LRBA: variants seen among roughly 807,000 people sequenced by gnomAD.
The protein encoded by LRBA is LPS responsive beige-like anchor protein.
A neutral mutation model predicts 330.0 loss-of-function variants in LRBA; 176 were observed. That is an observed-to-expected ratio of 0.53 (90% CI 0.47 to 0.60). The LOEUF is 0.60. Among genes scored for constraint, LRBA ranks in the 20% least tolerant of loss-of-function variants. The pLI is 0.00. For missense variants in LRBA, 3,259 were observed against 3,444.8 expected (o/e 0.95, Z 1.35); for synonymous variants, 1,230 against 1,193.0 (o/e 1.03, Z -0.64).
chr4:150,369,526 T>C (rs942499769), intron 47 of LRBA, among the ~76,000 whole-genome samples: 5 of 152,094 alleles, frequency 3.3e-5, no homozygotes, highest in South Asian at 2.1e-4. Context: ...TACAAACATA[T>C]GATGCCTAAA....
At position 150,828,423 on chromosome 4, in the gene LRBA, G is replaced by A; in HGVS notation, c.4928C>T (p.Thr1643Ile). 1 of 1,614,154 alleles carries A rather than the reference G, an allele frequency of 6.2e-7. No homozygotes were observed. Among genetic ancestry groups the A allele is most frequent in the Non-Finnish European group, 8.5e-7 (1 of 1,180,006 alleles). Reference protein sequence around the residue: ...GPDAISEVLSTLSLEVNKSPE... With the variant: ...GPDAISEVLSILSLEVNKSPE... ...AGACTTATTGACTTCTAAAGAAAGA[G>A]TAGATAGCACCTCGCTGATTGCATC... The change falls in exon 30 of 57, where the codon ACT (threonine) becomes ATT (isoleucine). Residue 1643 changes from threonine to isoleucine, a missense_variant. By Grantham distance (89) the Thr-to-Ile change is moderately conservative. Coordinates refer to ENST00000651943, the MANE Select transcript of LRBA (RefSeq NM_001364905.1).
At chr4:150,627,349 T>A (rs937714802) in intron 37 of LRBA, among the ~76,000 whole-genome samples, 1 of 152,046 alleles carries the variant, frequency 6.6e-6, no homozygotes, top group Admixed American at 6.5e-5. Flanking sequence ...GACAAAAAAA[T>A]TCTACAATAA....
intron 37 of LRBA, among the ~76,000 whole-genome samples, chr4:150,669,527 C>T (rs1321100890): frequency 6.6e-6 from 1 of 151,958 alleles, no homozygotes; most frequent in East Asian, 1.9e-4. Flanking sequence ...AGACTACTGA[C>T]CATTTGTTTT....
intron 2 of LRBA, among the ~76,000 whole-genome samples, chr4:151,000,026 A>G (rs1475297601): frequency 6.6e-6 from 1 of 152,236 alleles, no homozygotes; most frequent in Non-Finnish European, 1.5e-5. Flanking sequence ...TTTATAAATT[A>G]GGCACAGTAA....
At chr4:150,645,184 C>T (rs1330708133) in intron 37 of LRBA, among the ~76,000 whole-genome samples, 4 of 145,880 alleles carry the variant, frequency 2.7e-5, no homozygotes, top group African/African-American at 5.0e-5. Flanking sequence ...TATGATTTTC[C>T]GCTAAGGGCA....
At chr4:150,991,043 ACT>A (rs1176857350) in intron 2 of LRBA, among the ~76,000 whole-genome samples, 1 of 145,030 alleles carries the variant, frequency 6.9e-6, no homozygotes, top group Non-Finnish European at 1.5e-5. Context: ...ACAAAGTGAG[ACT>A]CTGTCTCCAA....
intron 37 of LRBA, among the ~76,000 whole-genome samples, chr4:150,624,417 T>C (rs1259885172): frequency 2.0e-5 from 3 of 152,022 alleles, no homozygotes; most frequent in Non-Finnish European, 2.9e-5. Flanking sequence ...CAAACACTAT[T>C]CCCTTTTCAC....
intron 29 of LRBA, among the ~76,000 whole-genome samples, chr4:150,830,396 A>G (rs1485573551): frequency 6.6e-6 from 1 of 152,190 alleles, no homozygotes; most frequent in East Asian, 1.9e-4. Context: ...CTCCAAACTA[A>G]TGAAGGAAAC....
intron 37 of LRBA, among the ~76,000 whole-genome samples, chr4:150,663,046 C>T (rs981088131): frequency 3.3e-5 from 5 of 152,070 alleles, no homozygotes; most frequent in African/African-American, 1.2e-4. Flanking sequence ...CCCTCACAAA[C>T]TTTACAAACT....
chr4:150,548,050 A>G (rs1463879429), intron 40 of LRBA, among the ~76,000 whole-genome samples: 1 of 152,182 alleles, frequency 6.6e-6, no homozygotes, highest in African/African-American at 2.4e-5. Flanking sequence ...TAAGGAGAAA[A>G]GCAAAAGAAT....
intron 2 of LRBA, among the ~76,000 whole-genome samples, chr4:150,999,625 T>G (rs1012057258): frequency 1.3e-5 from 2 of 151,078 alleles, no homozygotes; most frequent in Non-Finnish European, 2.9e-5. Context: ...TCTAAGATAG[T>G]AAAATTCTGC....
At chr4:150,762,546 G>T (rs1366506280) in intron 34 of LRBA, among the ~76,000 whole-genome samples, 1 of 151,540 alleles carries the variant, frequency 6.6e-6, no homozygotes, top group Non-Finnish European at 1.5e-5. Flanking sequence ...TATATAATAA[G>T]CATTAATACA....
At chr4:150,766,884 A>C (rs1278646215) in intron 34 of LRBA, among the ~76,000 whole-genome samples, 1 of 152,160 alleles carries the variant, frequency 6.6e-6, no homozygotes, top group Non-Finnish European at 1.5e-5. Context: ...CAATAATTTC[A>C]TACCTGTTCC....
chr4:150,901,217 T>C (rs1210129999), intron 13 of LRBA, among the ~76,000 whole-genome samples: 1 of 152,098 alleles, frequency 6.6e-6, no homozygotes, highest in Non-Finnish European at 1.5e-5. Context: ...GAGAATCGCT[T>C]GAACCCAGGA....
At chr4:150,860,762 A>G (rs1349451838) in intron 22 of LRBA, among the ~76,000 whole-genome samples, 1 of 152,066 alleles carries the variant, frequency 6.6e-6, no homozygotes, top group Non-Finnish European at 1.5e-5. Flanking sequence ...CAGGAGGCAG[A>G]GCTTGCAGTG....
chr4:150,563,898 T>C (rs1444104588), intron 40 of LRBA, among the ~76,000 whole-genome samples: 2 of 152,166 alleles, frequency 1.3e-5, no homozygotes, highest in Non-Finnish European at 2.9e-5. Context: ...CACAAACAAA[T>C]GGAAGAACAT....
intron 2 of LRBA, among the ~76,000 whole-genome samples, chr4:150,963,718 G>A (rs913909360): frequency 2.0e-5 from 3 of 148,400 alleles, no homozygotes; most frequent in African/African-American, 7.9e-5. Flanking sequence ...CTTCCCGGCC[G>A]CCACCCCGTC....
chr4:150,669,668 C>T (rs1299066609), intron 37 of LRBA, among the ~76,000 whole-genome samples: 2 of 151,774 alleles, frequency 1.3e-5, no homozygotes, highest in African/African-American at 2.4e-5. Flanking sequence ...TGGGTTCAAG[C>T]GATTCTCCTG....
At position 150,653,862 on chromosome 4, in the gene LRBA, G is replaced by A. The variant is rs554778246; in HGVS notation, c.5921+29689C>T. 3.2e-3 allele frequency among the ~76,000 whole-genome samples: 486 copies of A among 152,076 alleles called. 1 individual carries two copies. Among genetic ancestry groups the A allele is most frequent in the Non-Finnish European group, 5.0e-3 (338 of 67,984 alleles). On this transcript the variant is annotated intron_variant, in intron 37 of 56. Transcript: ENST00000651943. Reference sequence around the variant, plus strand: ...TCAGCATGTATCAGGAATTCATTCCGTATTTTTTCATAAATACATTGAAAG... The same window carrying A: ...TCAGCATGTATCAGGAATTCATTCCATATTTTTTCATAAATACATTGAAAG...
Sources: gnomAD v4.1 joint callset for allele counts (sites outside exome capture counted in the v4.1 genomes callset) on GRCh38, gnomAD v4.1.1 for gene constraint, MANE v1.5 for transcripts, NCBI Gene and HGNC (gene_info 2026-07-23, HGNC 2026-07-21) for gene names.